Variants in RAB5B observed in about 807,000 individuals in gnomAD.
RAB5B encodes RAB5B, member RAS oncogene family.
A neutral mutation model predicts 28.6 loss-of-function variants in RAB5B; 11 were observed. That is an observed-to-expected ratio of 0.38 (90% CI 0.24 to 0.64). The LOEUF (loss-of-function observed/expected upper bound fraction) is 0.64, where lower values mean the gene tolerates loss of function less well. Ranked by LOEUF, RAB5B falls within the 30% of genes least tolerant of loss-of-function variation. The pLI is 0.53. For synonymous variants in RAB5B, 93 were observed against 97.9 expected (o/e 0.95, Z 0.29); for missense variants, 169 against 265.6 (o/e 0.64, Z 2.53).
chr12:55,984,950 A>C (rs1448953446), intron 1 of RAB5B, among the ~76,000 whole-genome samples: 1 of 152,212 alleles, frequency 6.6e-6, no homozygotes, highest in African/African-American at 2.4e-5. Context: ...AATTCTCTTT[A>C]TATCATATTA....
intron 2 of RAB5B, among the ~76,000 whole-genome samples, chr12:55,987,558 CA>C (rs367950476): frequency 4.5e-4 from 68 of 152,148 alleles, no homozygotes; most frequent in African/African-American, 1.5e-3. Flanking sequence ...TTTATAAAAA[CA>C]GAGGCCGGTC....
chr12:55,991,961 C>T (rs1393613218), intron 5 of RAB5B, 136 bp from the exon 6 acceptor site: 1 of 651,338 alleles, frequency 1.5e-6, no homozygotes, highest in Non-Finnish European at 2.7e-6. Context: ...AGTGAACCCT[C>T]CCATCTTCAG....
intron 1 of RAB5B, chr12:55,980,541 G>A: frequency 6.3e-7 from 1 of 1,590,304 alleles, no homozygotes. Flanking sequence ...TCCCGGGCCA[G>A]GGAACTAAAA....
intron 5 of RAB5B, 94 bp downstream of exon 5, chr12:55,991,547 T>C: frequency 9.5e-7 from 1 of 1,048,974 alleles, no homozygotes; most frequent in Non-Finnish European, 1.5e-6. Context: ...AGTATCTCCT[T>C]TTGCAAAAAC....
chr12:55,980,058 T>C (rs1013996565), intron 1 of RAB5B, among the ~76,000 whole-genome samples: 3 of 152,174 alleles, frequency 2.0e-5, no homozygotes, highest in Admixed American at 6.6e-5. Context: ...AGTGCCGAGC[T>C]AGCCCTTTGC....
chr12:55,987,478 A>G (rs1238250391), intron 2 of RAB5B, among the ~76,000 whole-genome samples: 2 of 151,856 alleles, frequency 1.3e-5, no homozygotes, highest in Non-Finnish European at 2.9e-5. Context: ...AGGCTTTTGA[A>G]AAGAGATATA....
intron 1 of RAB5B, chr12:55,980,808 C>T: frequency 1.3e-6 from 2 of 1,581,114 alleles, no homozygotes; most frequent in Middle Eastern, 1.7e-4. Context: ...CGGTAGTAGG[C>T]AGTAGTTATT....
In RAB5B at chr12:55,979,940, AATTTT is replaced by A. The variant is rs1318650963; in HGVS notation, c.-93+5812_-93+5816del. On this transcript the variant is annotated intron_variant, in intron 1 of 5. Coordinates refer to ENST00000360299, the MANE Select transcript of RAB5B (RefSeq NM_002868.4). ...TATGGTAACACTTGACAAGTTGACT[AATTTT>A]ATTTTATTTTTTATTTATTTATTTA... Among the ~76,000 whole-genome samples the A allele has an allele frequency of 2.6e-5, 4 of 152,168 alleles. No individual in the cohort carries two copies. The East Asian group carries it at 5.8e-4, about 22-fold the overall frequency.
chr12:55,975,031 T>C (rs1176457603), intron 1 of RAB5B, among the ~76,000 whole-genome samples: 1 of 152,208 alleles, frequency 6.6e-6, no homozygotes, highest in African/African-American at 2.4e-5. Flanking sequence ...TACTGTTTCA[T>C]GTCCTATGAA....
At chr12:55,983,451 T>TCATA (rs1390933944) in intron 1 of RAB5B, among the ~76,000 whole-genome samples, 1 of 152,210 alleles carries the variant, frequency 6.6e-6, no homozygotes, top group East Asian at 1.9e-4. Context: ...GATCCTTTCG[T>TCATA]CATAGGCCAT....
intron 1 of RAB5B, among the ~76,000 whole-genome samples, chr12:55,982,998 A>G (rs1889850650): frequency 6.6e-6 from 1 of 152,146 alleles, no homozygotes; most frequent in African/African-American, 2.4e-5. Flanking sequence ...AGTATAGCAT[A>G]TATATGTCAC....
chr12:55,985,664 A>T, intron 1 of RAB5B: 2 of 455,660 alleles, frequency 4.4e-6, no homozygotes, highest in Non-Finnish European at 8.8e-6. Context: ...TCAAATACTG[A>T]TTGCTTGCAG....
At position 55,994,305 on chromosome 12, in the gene RAB5B, G is replaced by T. The variant is rs1318909678; in HGVS notation, c.*2093G>T. On this transcript the variant is annotated 3_prime_UTR_variant, in exon 6 of 6. Transcript: ENST00000360299. ...CTTCTAGAAATGAAGTTCTTTCTCT[G>T]TGCAGCTTTCCCCCTTGGAGCAGGA... 1 of 152,306 alleles carries T rather than the reference G, an allele frequency of 6.6e-6. No homozygotes were observed. Among genetic ancestry groups the T allele is most frequent in the South Asian group, 2.1e-4 (1 of 4,832 alleles). 9.4% of individuals were successfully genotyped at this position (152,306 alleles called of 1,614,324 possible). A position where few individuals can be genotyped will look rare whatever the true frequency, so the allele number is the denominator to read the frequency against.
chr12:55,981,462 T>C (rs1430822886), intron 1 of RAB5B, among the ~76,000 whole-genome samples: 1 of 152,154 alleles, frequency 6.6e-6, no homozygotes, highest in African/African-American at 2.4e-5. Context: ...CTGACTGACC[T>C]TAAGGCTGAC....
chr12:55,992,039 C>A, intron 5 of RAB5B, 58 bp from the exon 6 acceptor site: 1 of 1,360,848 alleles, frequency 7.3e-7, no homozygotes, highest in Non-Finnish European at 1.0e-6. Context: ...CGGGTGGAGG[C>A]AGAGGGGTAG....
chr12:55,976,914 G>GT (rs1295013831), intron 1 of RAB5B, among the ~76,000 whole-genome samples: 4 of 152,116 alleles, frequency 2.6e-5, no homozygotes, highest in Non-Finnish European at 4.4e-5. Context: ...GGAAACCTCG[G>GT]TTTTTTCCCC....
Position 55,993,572 on chromosome 12 carries a change from TC to T in RAB5B, c.*1362del, listed in dbSNP as rs1890200593. ...TATCCATTACCATGTCTTTTCTACTTCCTTGTAAATAGGTATGATCTTTATT... is the reference window on the plus strand; with the variant it reads ...TATCCATTACCATGTCTTTTCTACTTCTTGTAAATAGGTATGATCTTTATT... On this transcript the variant is annotated 3_prime_UTR_variant, in exon 6 of 6. Transcript: ENST00000360299. 6.6e-6 allele frequency: 1 copy of T among 152,648 alleles called. No individual in the cohort carries two copies. The allele number at this position is 152,648 out of a possible 1,614,324, so 9.5% of individuals were successfully genotyped here.
In RAB5B at chr12:55,992,499, A is replaced by G. The variant is rs1186252759; in HGVS notation, c.*287A>G. 3 of 574,440 alleles carry G rather than the reference A, an allele frequency of 5.2e-6. No individual in the cohort carries two copies. Among genetic ancestry groups the G allele is most frequent in the Non-Finnish European group, 9.9e-6 (3 of 303,892 alleles). 35.6% of individuals were successfully genotyped at this position (574,440 alleles called of 1,614,324 possible). A position where few individuals can be genotyped will look rare whatever the true frequency, so the allele number is the denominator to read the frequency against. ...CTTCACTTTGTATTATAGGTACAAG[A>G]CAGCGACTTACGTATCTTTTCTCCT... On this transcript the variant is annotated 3_prime_UTR_variant, in exon 6 of 6. Transcript: ENST00000360299.
At chr12:55,988,187 C>T (rs1890008675) in intron 2 of RAB5B, among the ~76,000 whole-genome samples, 1 of 151,980 alleles carries the variant, frequency 6.6e-6, no homozygotes, top group African/African-American at 2.4e-5. Context: ...CAAAGATTAG[C>T]CGGGCATGGT....
Sources: gnomAD v4.1 joint callset for allele counts (sites outside exome capture counted in the v4.1 genomes callset) on GRCh38, gnomAD v4.1.1 for gene constraint, MANE v1.5 for transcripts, NCBI Gene and HGNC (gene_info 2026-07-23, HGNC 2026-07-21) for gene names.